TLE4: variants seen among roughly 807,000 people sequenced by gnomAD.
TLE4 encodes transducin-like enhancer protein 4.
TLE4 carries 8 observed loss-of-function variants against 92.8 expected under a neutral mutation model. The observed-to-expected ratio is 0.09, with a 90% confidence interval of 0.05 to 0.16. The LOEUF is 0.16. Ranked by LOEUF, TLE4 falls within the 10% of genes least tolerant of loss-of-function variation. The pLI, the probability that TLE4 is intolerant of heterozygous loss-of-function variation, is 1.00. For missense variants in TLE4, 675 were observed against 997.6 expected (o/e 0.68, Z 4.36); for synonymous variants, 371 against 374.1 (o/e 0.99, Z 0.10).
intron 6 of TLE4, among the ~76,000 whole-genome samples, chr9:79,629,074 C>A (rs1247397964): frequency 6.6e-6 from 1 of 152,086 alleles, no homozygotes; most frequent in Non-Finnish European, 1.5e-5. Flanking sequence ...GCAGAGTGAT[C>A]CCTGATAGGA....
At chr9:79,613,659 A>T (rs2048861774) in intron 5 of TLE4, among the ~76,000 whole-genome samples, 1 of 152,058 alleles carries the variant, frequency 6.6e-6, no homozygotes, top group African/African-American at 2.4e-5. Context: ...CTACCCTTTC[A>T]GTTGTTCTAT....
At chr9:79,677,960 A>G (rs1010700720) in intron 8 of TLE4, among the ~76,000 whole-genome samples, 13 of 152,160 alleles carry the variant, frequency 8.5e-5, no homozygotes, top group Non-Finnish European at 1.6e-4. Context: ...TCTATTTTGA[A>G]TGCTTCTTTA....
At position 79,671,143 on chromosome 9, in the gene TLE4, T is replaced by C. The variant is rs1191800892; in HGVS notation, c.609+17068T>C. 3 of 414,032 alleles carry C rather than the reference T, an allele frequency of 7.2e-6. No individual in the cohort carries two copies. In the East Asian group the frequency reaches 2.2e-4, roughly 30 times the overall value. The allele number at this position is 414,032 out of a possible 1,614,324, so 25.6% of individuals were successfully genotyped here. On this transcript the variant is annotated intron_variant, in intron 8 of 19. Transcript: ENST00000376552. ...TGATCCTAGCACATATTTAATTCCA[T>C]TGGGGATTTTGTGTTTAGGGATAGT... is the stretch of plus-strand genomic sequence containing the variant.
chr9:79,605,594 A>G (rs2046624835), intron 4 of TLE4, among the ~76,000 whole-genome samples: 1 of 152,100 alleles, frequency 6.6e-6, no homozygotes, highest in Admixed American at 6.6e-5. Flanking sequence ...TTCTTTAACC[A>G]TTGTAAAAAT....
intron 8 of TLE4, among the ~76,000 whole-genome samples, chr9:79,680,417 G>A (rs2064263068): frequency 1.3e-5 from 2 of 152,214 alleles, no homozygotes; most frequent in South Asian, 2.1e-4. Flanking sequence ...TCATGATTTG[G>A]CTCTCTGTTT....
chr9:79,593,961 A>G (rs1202154191), intron 4 of TLE4, among the ~76,000 whole-genome samples: 1 of 152,236 alleles, frequency 6.6e-6, no homozygotes, highest in Non-Finnish European at 1.5e-5. Flanking sequence ...ACTTCCTGTG[A>G]CATTGGTAAA....
At chr9:79,592,502 C>T (rs1170478736) in intron 4 of TLE4, among the ~76,000 whole-genome samples, 1 of 152,056 alleles carries the variant, frequency 6.6e-6, no homozygotes, top group Non-Finnish European at 1.5e-5. Flanking sequence ...TCTCAAACTT[C>T]TGAGCTCAAG....
Position 79,725,177 on chromosome 9 carries a change from C to CCTGGTAAATTAGATTT in TLE4, c.*39_*40insAATTAGATTTCTGGTA, listed in dbSNP as rs767416284. 19 of 1,499,250 alleles carry CCTGGTAAATTAGATTT rather than the reference C, an allele frequency of 1.3e-5. No homozygotes were observed. The highest frequency in any genetic ancestry group is 1.7e-5 in the Admixed American group (1 of 59,600). The allele number at this position is 1,499,250 out of a possible 1,614,324, so 92.9% of individuals were successfully genotyped here. On this transcript the variant is annotated 3_prime_UTR_variant, in exon 20 of 20. Transcript: ENST00000376552. ...TCTTCATGCAGACTGGACTTCTCCT[C>CCTGGTAAATTAGATTT]CTGGTAGCACTTTGCTCTGTCATCC...
At chr9:79,663,123 ACT>A (rs934360439) in intron 8 of TLE4, among the ~76,000 whole-genome samples, 2 of 152,048 alleles carry the variant, frequency 1.3e-5, no homozygotes, top group African/African-American at 4.8e-5. Context: ...TTTCACAAAG[ACT>A]CTGGCTGATT....
chr9:79,705,754 G>A (rs2071365393), intron 9 of TLE4, 135 bp from the exon 10 acceptor site: 1 of 884,410 alleles, frequency 1.1e-6, no homozygotes, highest in Non-Finnish European at 1.9e-6. Context: ...AAGAAAATAG[G>A]ACATTGTCAA....
intron 14 of TLE4, among the ~76,000 whole-genome samples, chr9:79,716,051 C>T (rs1288633910): frequency 6.6e-6 from 1 of 152,204 alleles, no homozygotes; most frequent in African/African-American, 2.4e-5. Flanking sequence ...ACACTCCATT[C>T]TTCACCCAGC....
intron 4 of TLE4, among the ~76,000 whole-genome samples, chr9:79,592,212 CTT>C (rs1564203647): frequency 1.3e-4 from 17 of 128,896 alleles, no homozygotes; most frequent in African/African-American, 4.4e-4. Context: ...TCTTCTTCTT[CTT>C]CCTCTTCTTC....
chr9:79,668,590 C>CA (rs2061774606), intron 8 of TLE4, among the ~76,000 whole-genome samples: 1 of 152,050 alleles, frequency 6.6e-6, no homozygotes, highest in African/African-American at 2.4e-5. Flanking sequence ...GGCTTGCAGG[C>CA]CAAGAATGTT....
chr9:79,641,447 C>T (rs1564581907), intron 6 of TLE4, among the ~76,000 whole-genome samples: 3 of 152,256 alleles, frequency 2.0e-5, no homozygotes, highest in South Asian at 4.1e-4. Flanking sequence ...AAATAAAAGT[C>T]AAAAACCCTT....
At chr9:79,663,962 G>A (rs956236850) in intron 8 of TLE4, among the ~76,000 whole-genome samples, 12 of 152,306 alleles carry the variant, frequency 7.9e-5, no homozygotes, top group South Asian at 4.1e-4. Flanking sequence ...CCAATAAAGC[G>A]CGCACTGGTG....
At chr9:79,629,544 TA>T (rs1370044033) in intron 6 of TLE4, among the ~76,000 whole-genome samples, 1 of 152,208 alleles carries the variant, frequency 6.6e-6, no homozygotes, top group Non-Finnish European at 1.5e-5. Context: ...CTTAAAGAAC[TA>T]ACTCAGCAGT....
At chr9:79,614,441 G>C (rs957414795) in intron 5 of TLE4, among the ~76,000 whole-genome samples, 1 of 152,138 alleles carries the variant, frequency 6.6e-6, no homozygotes, top group Non-Finnish European at 1.5e-5. Context: ...TATGTTGTTT[G>C]TGTGAGCAGG....
At chr9:79,580,862 A>T (rs1378387789) in intron 4 of TLE4, among the ~76,000 whole-genome samples, 3 of 152,194 alleles carry the variant, frequency 2.0e-5, no homozygotes, top group African/African-American at 7.2e-5. Context: ...AATATTAGGA[A>T]ATAACAATCT....
At chr9:79,695,408 G>A (rs2068016001) in intron 8 of TLE4, among the ~76,000 whole-genome samples, 1 of 151,788 alleles carries the variant, frequency 6.6e-6, no homozygotes, top group Non-Finnish European at 1.5e-5. Context: ...ATTATATTAA[G>A]CACTGAGGAT....
Sources: allele counts gnomAD v4.1 joint callset (sites outside exome capture counted in the v4.1 genomes callset), GRCh38; gene constraint gnomAD v4.1.1; transcripts MANE v1.5; gene names NCBI Gene and HGNC (gene_info 2026-07-23, HGNC 2026-07-21).